The following RBPMS variants were observed in gnomAD, a reference collection of about 807,000 sequenced individuals.
The protein encoded by RBPMS is RNA binding protein, mRNA processing factor, also known as RNA-binding protein with multiple splicing.
Under a neutral mutation model 26.8 loss-of-function variants are expected in RBPMS, and 7 were observed. That is an observed-to-expected ratio of 0.26 (90% CI 0.15 to 0.49). The LOEUF is 0.49. Among genes scored for constraint, RBPMS ranks in the 20% least tolerant of loss-of-function variants. The pLI is 0.98. For synonymous variants in RBPMS, 96 were observed against 93.3 expected, an observed-to-expected ratio of 1.03 and a Z score of -0.17; for missense variants, 186 against 250.0, an observed-to-expected ratio of 0.74 and a Z score of 1.73.
At chr8:30,503,794 C>T (rs901811407) in intron 4 of RBPMS, among the ~76,000 whole-genome samples, 2 of 152,052 alleles carry the variant, frequency 1.3e-5, no homozygotes, top group Non-Finnish European at 1.5e-5. Flanking sequence ...CTTTTTGACA[C>T]GTAGGGTCCA....
intron 6 of RBPMS, among the ~76,000 whole-genome samples, chr8:30,552,180 G>A (rs767582975): frequency 4.6e-5 from 7 of 152,168 alleles, no homozygotes; most frequent in African/African-American, 7.2e-5. Context: ...AGAGGAGGCC[G>A]TCTGGTTGGG....
At chr8:30,511,479 AAAAAAAAATATATATATATATAT>A (rs1554531212) in intron 5 of RBPMS, among the ~76,000 whole-genome samples, 20,926 of 86,984 alleles carry the variant, frequency 0.24, 2,177 homozygotes, top group East Asian at 0.41. Flanking sequence ...AAGAAAAAAA[AAAAAAAAATATATATATATATAT>A]ATATATATAT....
At chr8:30,555,827 G>A (rs193094530) in intron 6 of RBPMS, 2 of 970,924 alleles carry the variant, frequency 2.1e-6, no homozygotes, top group Admixed American at 1.2e-4. Flanking sequence ...AAGCCCAGCA[G>A]AACAAGCAGC....
Position 30,436,779 on chromosome 8 carries a change from A to G in RBPMS, c.67-38000A>G, listed in dbSNP as rs145589409. Among the ~76,000 whole-genome samples the G allele has an allele frequency of 1.4e-4, 21 of 152,300 alleles. No individual in the cohort carries two copies. The East Asian group carries it at 2.9e-3, about 21-fold the overall frequency. On this transcript the variant is annotated intron_variant, in intron 1 of 8. Coordinates refer to ENST00000397323, the MANE Select transcript of RBPMS (RefSeq NM_001008710.3). The stretch of plus-strand genomic sequence containing the variant: ...TTGCTTGTGTTTTTGTTTTAAAAAG[A>G]ATTCGTTGTGTCAAATTTATAAAGG...
chr8:30,541,353 T>G (rs1173723213), intron 5 of RBPMS, among the ~76,000 whole-genome samples: 5 of 152,198 alleles, frequency 3.3e-5, no homozygotes, highest in African/African-American at 1.2e-4. Flanking sequence ...CAGTCCTTGT[T>G]TTTCAGAATC....
chr8:30,561,265 C>T (rs894665697), intron 7 of RBPMS, among the ~76,000 whole-genome samples: 2 of 152,104 alleles, frequency 1.3e-5, no homozygotes, highest in Non-Finnish European at 2.9e-5. Flanking sequence ...GTCCATGTTT[C>T]GTCTTCATAT....
chr8:30,545,026 T>C, intron 6 of RBPMS: 1 of 1,423,372 alleles, frequency 7.0e-7, no homozygotes, highest in Non-Finnish European at 9.2e-7. Flanking sequence ...CTGTGCGTGT[T>C]TCTGTGTGTT....
intron 1 of RBPMS, among the ~76,000 whole-genome samples, chr8:30,450,787 C>CAAAAAAAAAAA (rs59577795): frequency 4.2e-4 from 37 of 87,366 alleles, no homozygotes; most frequent in South Asian, 8.0e-4. Flanking sequence ...TGCCTGAAAG[C>CAAAAAAAAAAA]AAAAAAAAAA....
In RBPMS at chr8:30,555,995, G is replaced by A. The variant is rs965040878; in HGVS notation, c.529-2892G>A. 1.5e-5 allele frequency: 15 copies of A among 985,266 alleles called. No homozygotes were observed. In the African/African-American group the frequency reaches 1.9e-4, roughly 13 times the overall value. 61.0% of individuals were successfully genotyped at this position (985,266 alleles called of 1,614,324 possible). On this transcript the variant is annotated intron_variant, in intron 6 of 8. Coordinates refer to ENST00000397323, the MANE Select transcript of RBPMS (RefSeq NM_001008710.3). Reference sequence around the variant, plus strand: ...TGTGGTGCGGGAACCTGGATGAGCCGCTCAGACTTGGCCAGGGGGGCACTG... The same window carrying A: ...TGTGGTGCGGGAACCTGGATGAGCCACTCAGACTTGGCCAGGGGGGCACTG...
intron 5 of RBPMS, among the ~76,000 whole-genome samples, chr8:30,522,020 T>C (rs1823102937): frequency 6.6e-6 from 1 of 152,206 alleles, no homozygotes; most frequent in South Asian, 2.1e-4. Flanking sequence ...ATGTATTGTA[T>C]ATTTGAAAAT....
At chr8:30,441,538 T>C (rs1210884415) in intron 1 of RBPMS, among the ~76,000 whole-genome samples, 1 of 152,166 alleles carries the variant, frequency 6.6e-6, no homozygotes, top group East Asian at 1.9e-4. Flanking sequence ...TGCCCATTAA[T>C]GGAAATGCTC....
At chr8:30,558,536 T>TA (rs1407747779) in intron 6 of RBPMS, 2 of 402,708 alleles carry the variant, frequency 5.0e-6, no homozygotes, top group African/African-American at 4.1e-5. Context: ...TAGATAGCCT[T>TA]TCACCAGCCT....
At chr8:30,437,607 A>G (rs1485435023) in intron 1 of RBPMS, among the ~76,000 whole-genome samples, 1 of 152,134 alleles carries the variant, frequency 6.6e-6, no homozygotes, top group Non-Finnish European at 1.5e-5. Context: ...CCTGGCCAAC[A>G]TGGCAAAACC....
intron 4 of RBPMS, among the ~76,000 whole-genome samples, chr8:30,485,542 G>A (rs560453981): frequency 1.1e-4 from 16 of 152,328 alleles, no homozygotes; most frequent in African/African-American, 3.6e-4. Context: ...TTGACTTGCA[G>A]ACTTTTAAGG....
chr8:30,569,312 TGAG>T (rs919180537), intron 8 of RBPMS, among the ~76,000 whole-genome samples: 99 of 152,292 alleles, frequency 6.5e-4, no homozygotes, highest in African/African-American at 2.3e-3. Flanking sequence ...GACTGGGGTT[TGAG>T]GAGAAGGAAA....
intron 7 of RBPMS, chr8:30,564,547 ACAAG>A (rs1262353043): frequency 6.6e-6 from 1 of 152,224 alleles, no homozygotes; most frequent in Non-Finnish European, 1.5e-5. Context: ...GTGCCACATC[ACAAG>A]CACTTACCGA....
chr8:30,428,452 T>C (rs1274572398), intron 1 of RBPMS, among the ~76,000 whole-genome samples: 1 of 150,766 alleles, frequency 6.6e-6, no homozygotes, highest in East Asian at 1.9e-4. Flanking sequence ...CAAGACGCTG[T>C]CTCAAAAAAA....
At chr8:30,438,544 C>T (rs886571578) in intron 1 of RBPMS, among the ~76,000 whole-genome samples, 2 of 152,200 alleles carry the variant, frequency 1.3e-5, no homozygotes, top group African/African-American at 4.8e-5. Context: ...TTTACTTCTG[C>T]ACTAGAATTA....
chr8:30,566,211 T>A, intron 7 of RBPMS, 46 bp from the exon 8 acceptor site: 6 of 976,642 alleles, frequency 6.1e-6, no homozygotes, highest in Non-Finnish European at 7.3e-6. Context: ...CAGCCCCAGG[T>A]GGAGGTTACT....
Sources: gnomAD v4.1 joint callset for allele counts (sites outside exome capture counted in the v4.1 genomes callset) on GRCh38, gnomAD v4.1.1 for gene constraint, MANE v1.5 for transcripts, NCBI Gene and HGNC (gene_info 2026-07-23, HGNC 2026-07-21) for gene names.